The following FLVCR1 variants were observed in gnomAD, a reference collection of about 807,000 sequenced individuals.
The protein encoded by FLVCR1 is FLVCR choline and heme transporter 1.
Under a neutral mutation model 53.6 loss-of-function variants are expected in FLVCR1, and 34 were observed. The observed-to-expected ratio is 0.63, with a 90% CI of 0.48 to 0.84. The LOEUF is 0.84. FLVCR1 is among the 40% of genes least tolerant of loss of function. The pLI, the probability that FLVCR1 is intolerant of heterozygous loss-of-function variation, is 0.00. For synonymous variants in FLVCR1, 300 were observed against 286.3 expected, an observed-to-expected ratio of 1.05 and a Z score of -0.48; for missense variants, 677 against 696.7, an observed-to-expected ratio of 0.97 and a Z score of 0.32.
At chr1:212,865,045 A>G (rs2102538312) in intron 2 of FLVCR1, among the ~76,000 whole-genome samples, 1 of 152,258 alleles carries the variant, frequency 6.6e-6, no homozygotes, top group South Asian at 2.1e-4. Context: ...TGTGCAGACT[A>G]CTAAGAAGGA....
rs755239032 is a variant in FLVCR1, at chr1:212,863,821, T to A, written c.835T>A (p.Tyr279Asn). The part of the protein sequence containing the change: ...LLACNISTMF[Y>N]GTSAVATLLF... The stretch of plus-strand genomic sequence containing the variant: ...GGCTTGTAATATCAGCACCATGTTT[T>A]ATGGAACATCAGCTGTTGCCACACT... Residue 279 changes from tyrosine to asparagine, a missense_variant, in exon 2 of 10, where the codon TAT (tyrosine) becomes AAT (asparagine). Coordinates refer to ENST00000366971, the MANE Select transcript of FLVCR1 (RefSeq NM_014053.4). 18 of 1,613,836 alleles carry A rather than the reference T, an allele frequency of 1.1e-5. No homozygotes were observed. In the South Asian group the frequency reaches 1.9e-4, roughly 17 times the overall value.
Position 212,863,725 on chromosome 1 carries a change from C to A in FLVCR1, c.739C>A (p.Leu247Ile). Residue 247 changes from leucine to isoleucine, a missense_variant and splice_region_variant, in exon 2 of 10, where the codon CTT becomes ATT. By Grantham distance (5) the Leu-to-Ile change is conservative. Coordinates refer to ENST00000366971, the MANE Select transcript of FLVCR1 (RefSeq NM_014053.4). ...GTTAACAGGACTATGTGTTTTTCAGCTTGGAACTGCAGTTGGCTTTTTGCT... is the reference window on the plus strand; with the variant it reads ...GTTAACAGGACTATGTGTTTTTCAGATTGGAACTGCAGTTGGCTTTTTGCT... The part of the protein sequence containing the change: ...ACATAVLGNQ[L>I]GTAVGFLLPP... 6.2e-7 allele frequency: 1 copy of A among 1,613,902 alleles called. No homozygotes were observed. Among genetic ancestry groups the A allele is most frequent in the Non-Finnish European group, 8.5e-7 (1 of 1,179,884 alleles).
At chr1:212,885,840 C>T (rs908451382) in intron 5 of FLVCR1, among the ~76,000 whole-genome samples, 2 of 151,260 alleles carry the variant, frequency 1.3e-5, no homozygotes, top group East Asian at 2.0e-4. Flanking sequence ...CGTGAGCCAC[C>T]GCGCCCAGCA....
At chr1:212,860,972 T>C (rs1664222471) in intron 1 of FLVCR1, among the ~76,000 whole-genome samples, 1 of 152,204 alleles carries the variant, frequency 6.6e-6, no homozygotes, top group African/African-American at 2.4e-5. Flanking sequence ...CCTCCCTATC[T>C]GTAGCCCTTG....
At chr1:212,869,907 T>C (rs926818802) in intron 2 of FLVCR1, 13 of 152,256 alleles carry the variant, frequency 8.5e-5, no homozygotes, top group African/African-American at 3.1e-4. Context: ...TTTGCCATGG[T>C]AAATAAAAAA....
intron 8 of FLVCR1, among the ~76,000 whole-genome samples, chr1:212,894,101 T>C (rs1430945952): frequency 1.8e-5 from 2 of 111,002 alleles, no homozygotes; most frequent in Admixed American, 1.2e-4. Flanking sequence ...AATTAAGGCA[T>C]GTAGATTGAT....
intron 1 of FLVCR1, among the ~76,000 whole-genome samples, chr1:212,860,074 G>A (rs1664173890): frequency 6.6e-6 from 1 of 152,152 alleles, no homozygotes; most frequent in Non-Finnish European, 1.5e-5. Flanking sequence ...CTTGAGGCCA[G>A]GAGTCTGAGA....
chr1:212,888,530 C>T lies in FLVCR1; in HGVS notation c.1349C>T (p.Ala450Val). The T allele has an allele frequency of 6.2e-7, 1 of 1,613,760 alleles. No individual in the cohort carries two copies. Among genetic ancestry groups the T allele is most frequent in the Non-Finnish European group, 8.5e-7 (1 of 1,179,802 alleles). ...TACCTCCCTTTGGGTTTTGAATTTG[C>T]TGTTGAAATCACTTACCCTGAATCT... ...TGYLPLGFEF[A>V]VEITYPESEG... The change falls in exon 7 of 10, where the codon GCT (alanine) becomes GTT (valine). Residue 450 changes from alanine to valine, a missense_variant. Transcript: ENST00000366971.
chr1:212,885,544 G>GTTTTTATT, intron 5 of FLVCR1, 148 bp downstream of exon 5: 2 of 384,604 alleles, frequency 5.2e-6, no homozygotes, highest in Non-Finnish European at 9.3e-6. Context: ...CACTTAACAA[G>GTTTTTATT]TGTTTCTTTT....
At chr1:212,860,657 A>C (rs1363163450) in intron 1 of FLVCR1, among the ~76,000 whole-genome samples, 7 of 152,016 alleles carry the variant, frequency 4.6e-5, no homozygotes, top group Non-Finnish European at 8.8e-5. Context: ...TTACATGTTC[A>C]TATGTTACTT....
At chr1:212,887,795 A>C in intron 5 of FLVCR1, 96 bp from the exon 6 acceptor site, 1 of 697,080 alleles carries the variant, frequency 1.4e-6, no homozygotes, top group East Asian at 2.7e-5. Context: ...GAACTTTGAA[A>C]AACAAAGATT....
chr1:212,888,847 G>T (rs1665122338), intron 7 of FLVCR1, among the ~76,000 whole-genome samples: 1 of 152,040 alleles, frequency 6.6e-6, no homozygotes, highest in African/African-American at 2.4e-5. Flanking sequence ...AGCATGCCCA[G>T]CTAAATTTTT....
At chr1:212,881,524 A>C (rs9660930) in intron 3 of FLVCR1, among the ~76,000 whole-genome samples, 8,172 of 152,042 alleles carry the variant, frequency 0.054, 284 homozygotes, top group Middle Eastern at 0.11. Context: ...TTTTTAGTAG[A>C]GACGGGGTTT....
At chr1:212,881,627 T>C (rs1296726349) in intron 3 of FLVCR1, among the ~76,000 whole-genome samples, 3 of 151,994 alleles carry the variant, frequency 2.0e-5, no homozygotes, top group African/African-American at 4.8e-5. Context: ...TCCCAAAGTG[T>C]TGGGATTACA....
In FLVCR1 at chr1:212,895,169, G is replaced by A. The variant is rs1450807066; in HGVS notation, c.1594-47G>A. 4 of 1,446,798 alleles carry A rather than the reference G, an allele frequency of 2.8e-6. No homozygotes were observed. In the South Asian group the frequency reaches 3.4e-5, roughly 12 times the overall value. 89.6% of individuals were successfully genotyped at this position (1,446,798 alleles called of 1,614,324 possible). A position where few individuals can be genotyped will look rare whatever the true frequency, so the allele number is the denominator to read the frequency against. ...GTCAACTGTTGATCTGTTATAATAGGATATGCCAGATGCTATACATTTTTA... is the reference window on the plus strand; with the variant it reads ...GTCAACTGTTGATCTGTTATAATAGAATATGCCAGATGCTATACATTTTTA... On this transcript the variant is annotated intron_variant, in intron 9 of 9. Coordinates refer to ENST00000366971, the MANE Select transcript of FLVCR1 (RefSeq NM_014053.4).
At chr1:212,861,578 T>C (rs939866899) in intron 1 of FLVCR1, among the ~76,000 whole-genome samples, 8 of 152,224 alleles carry the variant, frequency 5.3e-5, no homozygotes, top group African/African-American at 1.7e-4. Flanking sequence ...GTCTTGGCAC[T>C]GTTTACGTCT....
chr1:212,898,994 A>T lies in FLVCR1; in HGVS notation c.*3704A>T, dbSNP rs976523688. 4 of 152,222 alleles carry T rather than the reference A, an allele frequency of 2.6e-5. No homozygotes were observed. The highest frequency in any genetic ancestry group is 9.6e-5 in the African/African-American group (4 of 41,458). 9.4% of individuals were successfully genotyped at this position (152,222 alleles called of 1,614,324 possible). A position where few individuals can be genotyped will look rare whatever the true frequency, so the allele number is the denominator to read the frequency against. On this transcript the variant is annotated 3_prime_UTR_variant, in exon 10 of 10. Transcript: ENST00000366971. ...AATTTTTCAGTTCCATTATAATCTT[A>T]TAGGATCTCTGTCATATGTGGTCAA...
chr1:212,894,957 T>A (rs754780138), intron 8 of FLVCR1, 29 bp from the exon 9 acceptor site: 16 of 1,510,092 alleles, frequency 1.1e-5, no homozygotes, highest in Non-Finnish European at 1.4e-5. Context: ...CATAACAGTT[T>A]ATAGTAACTT....
intron 8 of FLVCR1, among the ~76,000 whole-genome samples, chr1:212,893,836 C>T (rs60267007): frequency 0.011 from 1,667 of 152,230 alleles, 35 homozygotes; most frequent in African/African-American, 0.035. Context: ...AGTGGAATGG[C>T]GCCATCTGGG....
Sources: allele counts gnomAD v4.1 joint callset (sites outside exome capture counted in the v4.1 genomes callset), GRCh38; gene constraint gnomAD v4.1.1; transcripts MANE v1.5; gene names NCBI Gene and HGNC (gene_info 2026-07-23, HGNC 2026-07-21).